Variants in ABCA10 observed in about 807,000 individuals in gnomAD.
The protein encoded by ABCA10 is ATP binding cassette subfamily A member 10, also known as ATP-binding cassette sub-family A member 10.
ABCA10 carries 169 observed loss-of-function variants against 187.5 expected under a neutral mutation model. That is an observed-to-expected ratio of 0.90 (90% CI 0.80 to 1.02). ABCA10 has a LOEUF of 1.02. Among genes scored for constraint, ABCA10 ranks in the 50% least tolerant of loss-of-function variants. The probability of loss-of-function intolerance (pLI) is 0.00; values close to 1 mark genes in which losing one functional copy is unlikely to be tolerated. For synonymous variants in ABCA10, 574 were observed against 601.8 expected (o/e 0.95, Z 0.68); for missense variants, 1,727 against 1,812.4 (o/e 0.95, Z 0.86).
In ABCA10 at chr17:69,182,619, G is replaced by A. The variant is rs545420327; in HGVS notation, c.2631+56C>T. ...TTCCTATAGTTCTAAGTATTAGGAC[G>A]TGGCAAAAAAAACAAAAAAAAACCA... On this transcript the variant is annotated intron_variant, in intron 21 of 38. Coordinates refer to ENST00000690296, the MANE Select transcript of ABCA10 (RefSeq NM_001377321.1). 1.2e-5 allele frequency: 18 copies of A among 1,503,438 alleles called. No individual in the cohort carries two copies. The East Asian group carries it at 1.4e-4, about 11-fold the overall frequency. The allele number at this position is 1,503,438 out of a possible 1,614,324, so 93.1% of individuals were successfully genotyped here.
At chr17:69,158,391 CTGATA>C (rs1342556862) in intron 27 of ABCA10, among the ~76,000 whole-genome samples, 1 of 151,438 alleles carries the variant, frequency 6.6e-6, no homozygotes, top group Non-Finnish European at 1.5e-5. Context: ...GTAAGGTAAA[CTGATA>C]TAAGATAATT....
At chr17:69,194,019 G>A (rs775250129) in intron 12 of ABCA10, 30 bp from the exon 13 acceptor site, 26 of 1,532,758 alleles carry the variant, frequency 1.7e-5, no homozygotes, top group East Asian at 2.3e-5. Context: ...AGGCTTTACT[G>A]CCAGAATGTT....
In ABCA10 at chr17:69,215,943, C is replaced by A. The variant is rs758539124; in HGVS notation, c.730G>T (p.Ala244Ser). 4 of 1,613,798 alleles carry A rather than the reference C, an allele frequency of 2.5e-6. No individual in the cohort carries two copies. Among genetic ancestry groups the A allele is most frequent in the East Asian group, 4.5e-5 (2 of 44,836 alleles). Residue 244 changes from alanine (A) to serine (S), a missense_variant, in exon 8 of 39, where the codon GCT (alanine) becomes TCT (serine). Physicochemically the swap from Ala to Ser is moderately conservative, Grantham distance 99 (BLOSUM62 1). Transcript: ENST00000690296. ...CAAAATACAGTGAAGAGAAATCCAGCCAAACCAGCGAGCATAGGTTTCCTT... is the reference window on the plus strand; with the variant it reads ...CAAAATACAGTGAAGAGAAATCCAGACAAACCAGCGAGCATAGGTTTCCTT... ...LIRKPMLAGL[A>S]GFLFTVFWGC...
rs1474123064 is a variant in ABCA10 at position 69,155,813 on chromosome 17, A to G, written c.3568T>C (p.Leu1190=). 1 of 1,613,534 alleles carries G rather than the reference A, an allele frequency of 6.2e-7. No individual in the cohort carries two copies. The highest frequency in any genetic ancestry group is 8.5e-7 in the Non-Finnish European group (1 of 1,179,620). ...TAATCCCTGCTGTTCACCTCCTCCA[A>G]GTTTGGAGCAGTGAGTGCATTTGCT... ...QAANALTAPN[L]EEEPVITASC... is the part of the protein sequence containing the mutation. Residue 1190 remains leucine, a synonymous_variant, in exon 29 of 39, where the codon TTG becomes CTG. Transcript: ENST00000690296.
chr17:69,192,241 T>C (rs746970919), intron 16 of ABCA10, among the ~76,000 whole-genome samples: 1 of 152,170 alleles, frequency 6.6e-6, no homozygotes. Context: ...GGAGAATCGC[T>C]TTAACCAGGG....
rs765000698 is a variant in ABCA10, at chr17:69,214,860, T to C, written c.859-9A>G. The C allele has an allele frequency of 1.4e-6, 2 of 1,468,272 alleles. No homozygotes were observed. Among genetic ancestry groups the C allele is most frequent in the Non-Finnish European group, 1.8e-6 (2 of 1,105,272 alleles). 91.0% of individuals were successfully genotyped at this position (1,468,272 alleles called of 1,614,324 possible). A position where few individuals can be genotyped will look rare whatever the true frequency, so the allele number is the denominator to read the frequency against. On this transcript the variant is annotated splice_polypyrimidine_tract_variant and intron_variant, in intron 8 of 38. Coordinates refer to ENST00000690296, the MANE Select transcript of ABCA10 (RefSeq NM_001377321.1). ...TTATCCAGGTGTGTAATCTGAGATTTAAAAGAAAAAATAAAATGTTAGATG... is the reference window on the plus strand; with the variant it reads ...TTATCCAGGTGTGTAATCTGAGATTCAAAAGAAAAAATAAAATGTTAGATG...
chr17:69,228,231 A>C (rs1200058370), intron 1 of ABCA10, among the ~76,000 whole-genome samples: 1 of 151,932 alleles, frequency 6.6e-6, no homozygotes, highest in African/African-American at 2.4e-5. Flanking sequence ...TAAAAGAACA[A>C]AAGAACACAG....
chr17:69,196,995 G>C, intron 11 of ABCA10, 69 bp downstream of exon 11: 1 of 1,165,156 alleles, frequency 8.6e-7, no homozygotes. Flanking sequence ...GCATCAGAGG[G>C]AGACCGTGGA....
At chr17:69,193,049 A>C (rs1056090537) in intron 15 of ABCA10, 61 bp downstream of exon 15, 2 of 1,527,288 alleles carry the variant, frequency 1.3e-6, no homozygotes, top group African/African-American at 2.8e-5. Flanking sequence ...ACAGGCTATG[A>C]AAAATAACTC....
In ABCA10 at chr17:69,214,768, G is replaced by GA. The variant is rs771346448; in HGVS notation, c.941dup (p.Ile315HisfsTer5). 3.3e-6 allele frequency: 5 copies of GA among 1,513,224 alleles called. No homozygotes were observed. Among genetic ancestry groups the GA allele is most frequent in the Middle Eastern group, 1.8e-4 (1 of 5,708 alleles). The allele number at this position is 1,513,224 out of a possible 1,614,324, so 93.7% of individuals were successfully genotyped here. A position where few individuals can be genotyped will look rare whatever the true frequency, so the allele number is the denominator to read the frequency against. ...AGAAAAGAGTATCAAATGCCAAAATGAAAAAAGTGGCTATCATTTTGTATG... is the reference window on the plus strand; with the variant it reads ...AGAAAAGAGTATCAAATGCCAAAATGAAAAAAAGTGGCTATCATTTTGTATG... On this transcript the variant is annotated frameshift_variant, in exon 9 of 39. Coordinates refer to ENST00000690296, the MANE Select transcript of ABCA10 (RefSeq NM_001377321.1). LOFTEE classifies it high-confidence loss of function.
In ABCA10 at chr17:69,175,342, A is replaced by C. The variant is rs189992316; in HGVS notation, c.2877+64T>G. 289 of 1,407,640 alleles carry C rather than the reference A, an allele frequency of 2.1e-4. 1 individual carries two copies. The East Asian group carries it at 6.6e-3, about 32-fold the overall frequency. The allele number at this position is 1,407,640 out of a possible 1,614,324, so 87.2% of individuals were successfully genotyped here. ...ACAACTGTGTGTGTATAAAACAATA[A>C]AATTGCAATTACTACAGTCAAATAA... On this transcript the variant is annotated intron_variant, in intron 23 of 38. Coordinates refer to ENST00000690296, the MANE Select transcript of ABCA10 (RefSeq NM_001377321.1).
chr17:69,235,154 C>T (rs1260288678), intron 1 of ABCA10: 2 of 152,204 alleles, frequency 1.3e-5, no homozygotes. Flanking sequence ...ACCATCTCTG[C>T]CCATCTCCCT....
chr17:69,241,413 G>A (rs2074902781), intron 1 of ABCA10, among the ~76,000 whole-genome samples: 1 of 152,162 alleles, frequency 6.6e-6, no homozygotes, highest in Non-Finnish European at 1.5e-5. Context: ...CAACACAGCA[G>A]CTAAACTGTT....
intron 8 of ABCA10, 102 bp downstream of exon 8, chr17:69,215,713 C>G: frequency 8.7e-7 from 1 of 1,148,740 alleles, no homozygotes. Flanking sequence ...TTTCTTAAAA[C>G]ACAGAGTGGC....
chr17:69,238,018 T>C (rs1001130878), intron 1 of ABCA10, among the ~76,000 whole-genome samples: 6 of 151,822 alleles, frequency 4.0e-5, no homozygotes, highest in African/African-American at 7.3e-5. Context: ...AAAAATTAGA[T>C]GGGCATGGTG....
exon 1 of ABCA10, chr17:69,244,558 T>A (rs988276222): frequency 3.3e-5 from 5 of 151,816 alleles, no homozygotes; most frequent in Admixed American, 3.3e-4. Context: ...TAAAAATTAT[T>A]CATCTGAGAA....
chr17:69,221,718 T>C (rs1460411725), intron 5 of ABCA10, 74 bp downstream of exon 5: 12 of 1,307,078 alleles, frequency 9.2e-6, no homozygotes, highest in Non-Finnish European at 1.3e-5. Context: ...AAGAGTAAGG[T>C]AGGGGATGAG....
chr17:69,193,057 C>A lies in ABCA10; in HGVS notation c.1780+53G>T, dbSNP rs2074472907. 2.6e-6 allele frequency: 4 copies of A among 1,532,186 alleles called. No individual in the cohort carries two copies. In the East Asian group the frequency reaches 9.2e-5, roughly 35 times the overall value. 94.9% of individuals were successfully genotyped at this position (1,532,186 alleles called of 1,614,324 possible). On this transcript the variant is annotated intron_variant, in intron 15 of 38. Transcript: ENST00000690296. ...TTTGAAAACAGGCTATGAAAAATAA[C>A]TCTCATGTTAAATCCTTAAATAACT...
chr17:69,160,226 A>G (rs79648788), intron 27 of ABCA10, among the ~76,000 whole-genome samples: 132 of 152,330 alleles, frequency 8.7e-4, no homozygotes, highest in South Asian at 2.7e-3. Flanking sequence ...TTCAAATCAT[A>G]TATCTGATAA....
Sources: allele counts gnomAD v4.1 joint callset (sites outside exome capture counted in the v4.1 genomes callset), GRCh38; gene constraint gnomAD v4.1.1; transcripts MANE v1.5; gene names NCBI Gene and HGNC (gene_info 2026-07-23, HGNC 2026-07-21).